The following NEK9 variants were observed in gnomAD, a reference collection of about 807,000 sequenced individuals.
The protein encoded by NEK9 is serine/threonine-protein kinase Nek9.
Under a neutral mutation model 123.4 loss-of-function variants are expected in NEK9, and 75 were observed. The observed-to-expected ratio is 0.61, with a 90% CI of 0.50 to 0.74. The LOEUF (loss-of-function observed/expected upper bound fraction) is 0.74. Among genes scored for constraint, NEK9 ranks in the 30% least tolerant of loss-of-function variants. The pLI is 0.00. For missense variants in NEK9, 952 were observed against 1,214.4 expected (o/e 0.78, Z 3.21); for synonymous variants, 438 against 458.7 (o/e 0.95, Z 0.58).
rs1438756568 is a variant in NEK9 at position 75,081,439 on chromosome 14, C to T, written c.*3125G>A. ...CAGCGTGTTTATTTCCACAGTTAAT[C>T]ATTGAAACAATAAATGATTTTTGGC... On this transcript the variant is annotated 3_prime_UTR_variant, in exon 22 of 22. Coordinates refer to ENST00000238616, the MANE Select transcript of NEK9 (RefSeq NM_033116.6). The surrounding 1 kb of genome is among the most constrained non-coding windows in gnomAD (Gnocchi z 4.2). 2.0e-5 allele frequency: 3 copies of T among 152,164 alleles called. No individual in the cohort carries two copies. Among genetic ancestry groups the T allele is most frequent in the Non-Finnish European group, 4.4e-5 (3 of 68,026 alleles). The allele number at this position is 152,164 out of a possible 1,614,324, so 9.4% of individuals were successfully genotyped here. A position where few individuals can be genotyped will look rare whatever the true frequency, so the allele number is the denominator to read the frequency against.
chr14:75,121,773 C>T (rs1458709641), intron 2 of NEK9, among the ~76,000 whole-genome samples: 1 of 152,054 alleles, frequency 6.6e-6, no homozygotes, highest in African/African-American at 2.4e-5. Flanking sequence ...GTCGCCTGAG[C>T]GTGGGAGGAT....
At chr14:75,118,749 A>G in intron 5 of NEK9, 81 bp downstream of exon 5, 1 of 823,530 alleles carries the variant, frequency 1.2e-6, no homozygotes, top group Non-Finnish European at 2.0e-6. Flanking sequence ...TATTGAGAAA[A>G]GTATGCAAGA....
Position 75,101,023 on chromosome 14 carries a change from G to A in NEK9, c.1971C>T (p.Cys657=), listed in dbSNP as rs193018616. The change falls in exon 16 of 22, where the codon TGC becomes TGT. Residue 657 remains cysteine, a synonymous_variant. Coordinates refer to ENST00000238616, the MANE Select transcript of NEK9 (RefSeq NM_033116.6). ...TGGCAGCAATGGTAAACTCATCACC[G>A]CAGGAGACCCTGATCACTTGCTTCC... is the stretch of plus-strand genomic sequence containing the variant. The part of the protein sequence containing the change: ...LGGKQVIRVS[C]GDEFTIAATD... 7.4e-6 allele frequency: 12 copies of A among 1,614,156 alleles called. No individual in the cohort carries two copies. In the South Asian group the frequency reaches 7.7e-5, roughly 10 times the overall value.
chr14:75,120,702 G>A, intron 3 of NEK9, 122 bp from the exon 4 acceptor site: 1 of 743,484 alleles, frequency 1.3e-6, no homozygotes, highest in South Asian at 1.8e-5. Flanking sequence ...AACATGACTT[G>A]ACATCTCTTC....
intron 5 of NEK9, 133 bp from the exon 6 acceptor site, chr14:75,117,459 G>T (rs1182642308): frequency 3.0e-6 from 3 of 990,340 alleles, no homozygotes; most frequent in South Asian, 1.8e-5. Context: ...ATTCCAAAAT[G>T]GTTTTTATGA....
In NEK9 at chr14:75,080,091, G is replaced by C. The variant is rs1469811924; in HGVS notation, c.*4473C>G. 2 of 152,202 alleles carry C rather than the reference G, an allele frequency of 1.3e-5. No homozygotes were observed. Among genetic ancestry groups the C allele is most frequent in the Non-Finnish European group, 2.9e-5 (2 of 68,154 alleles). 9.4% of individuals were successfully genotyped at this position (152,202 alleles called of 1,614,324 possible). ...TCATGCCTGTAATCCCAGCACTTTG[G>C]GAGGCCGAGGTGGGCGGATCACAAA... On this transcript the variant is annotated 3_prime_UTR_variant, in exon 22 of 22. Coordinates refer to ENST00000238616, the MANE Select transcript of NEK9 (RefSeq NM_033116.6).
Position 75,124,185 on chromosome 14 carries a change from G to A in NEK9, c.258C>T (p.Thr86=). 3 of 1,613,904 alleles carry A rather than the reference G, an allele frequency of 1.9e-6. No homozygotes were observed. The Middle Eastern group carries it at 5.0e-4, about 266-fold the overall frequency. The part of the protein sequence containing the change: ...SLVVWKEVDL[T]RLSEKERRDA... ...CACGACGTTCCTTCTCAGACAGCCG[G>A]GTCAAATCGACTTCCTTCCACACAA... The change falls in exon 2 of 22, where the codon ACC becomes ACT. Residue 86 remains threonine, a synonymous_variant. Coordinates refer to ENST00000238616, the MANE Select transcript of NEK9 (RefSeq NM_033116.6).
intron 21 of NEK9, among the ~76,000 whole-genome samples, chr14:75,085,582 G>C (rs1893995405): frequency 1.3e-5 from 2 of 152,252 alleles, no homozygotes; most frequent in South Asian, 4.1e-4. Context: ...TCAAGCCTTA[G>C]GTTAAACTTC....
chr14:75,085,105 C>CA (rs1893980270), intron 21 of NEK9: 1 of 162,104 alleles, frequency 6.2e-6, no homozygotes, highest in Admixed American at 5.9e-5. Context: ...TCCCCAGATT[C>CA]AGGTGATCTT....
At chr14:75,099,563 T>A (rs1894494847) in intron 16 of NEK9, among the ~76,000 whole-genome samples, 1 of 151,528 alleles carries the variant, frequency 6.6e-6, no homozygotes, top group Non-Finnish European at 1.5e-5. Flanking sequence ...GGGTGGATCA[T>A]CTGAGGTCAG....
chr14:75,109,983 A>G (rs547887986), intron 9 of NEK9, 106 bp from the exon 10 acceptor site: 155 of 1,131,702 alleles, frequency 1.4e-4, no homozygotes, highest in Non-Finnish European at 1.8e-4. Context: ...ATGGTATGAG[A>G]AAGTATGTTC....
intron 20 of NEK9, among the ~76,000 whole-genome samples, chr14:75,087,965 A>G (rs1007518304): frequency 6.6e-6 from 1 of 152,212 alleles, no homozygotes; most frequent in African/African-American, 2.4e-5. Flanking sequence ...GGCTGTACAC[A>G]TTTCTGTCTA....
rs367940065 is a variant in NEK9 at position 75,095,369 on chromosome 14, T to C, written c.2233+3A>G. The C allele has an allele frequency of 6.2e-7, 1 of 1,606,394 alleles. No individual in the cohort carries two copies. The highest frequency in any genetic ancestry group is 8.5e-7 in the Non-Finnish European group (1 of 1,173,636). On this transcript the variant is annotated splice_donor_region_variant and intron_variant, in intron 18 of 21. Coordinates refer to ENST00000238616, the MANE Select transcript of NEK9 (RefSeq NM_033116.6). ...CACTGGTACCTGAAACATTGGTACT[T>C]ACCAGTTCCAATGGATAAGCCACTG...
At position 75,113,186 on chromosome 14, in the gene NEK9, C is replaced by G. The variant is rs8023076; in HGVS notation, c.938+153G>C. Among the ~76,000 whole-genome samples, 669 of 152,274 alleles carry G rather than the reference C, an allele frequency of 4.4e-3. 4 individuals are homozygous for G. The highest frequency in any genetic ancestry group is 0.015 in the African/African-American group (636 of 41,538). ...AGGCTAAGGAGGCAAAAGTCAGATG[C>G]CACCCCTAAGCAATAAAAGCAGGGA... On this transcript the variant is annotated intron_variant, in intron 8 of 21. Transcript: ENST00000238616.
Position 75,083,645 on chromosome 14 carries a change from A to C in NEK9, c.*919T>G, listed in dbSNP as rs1893931285. 1 of 152,254 alleles carries C rather than the reference A, an allele frequency of 6.6e-6. No homozygotes were observed. Among genetic ancestry groups the C allele is most frequent in the Admixed American group, 6.5e-5 (1 of 15,284 alleles). 9.4% of individuals were successfully genotyped at this position (152,254 alleles called of 1,614,324 possible). On this transcript the variant is annotated 3_prime_UTR_variant, in exon 22 of 22. Coordinates refer to ENST00000238616, the MANE Select transcript of NEK9 (RefSeq NM_033116.6). ...AGCCATGAAGGCAGAGGCTCAAAGA[A>C]GTCTTTTCATGGGCAGAAGACTGAG...
chr14:75,118,742 T>G, intron 5 of NEK9, 88 bp downstream of exon 5: 84 of 790,778 alleles, frequency 1.1e-4, no homozygotes, highest in Middle Eastern at 3.2e-4. Flanking sequence ...GCAAGAATAT[T>G]GAGAAAAGTA....
At chr14:75,120,100 T>C (rs1226093062) in intron 4 of NEK9, among the ~76,000 whole-genome samples, 3 of 152,228 alleles carry the variant, frequency 2.0e-5, no homozygotes, top group African/African-American at 7.2e-5. Flanking sequence ...CTGGTAAATT[T>C]GTACAAGTAA....
chr14:75,107,337 G>C lies in NEK9; in HGVS notation c.1327+6C>G. 1 of 1,610,874 alleles carries C rather than the reference G, an allele frequency of 6.2e-7. No homozygotes were observed. The highest frequency in any genetic ancestry group is 8.5e-7 in the Non-Finnish European group (1 of 1,178,840). On this transcript the variant is annotated splice_donor_region_variant and intron_variant, in intron 11 of 21. Coordinates refer to ENST00000238616, the MANE Select transcript of NEK9 (RefSeq NM_033116.6). ...GCACTTAAGACACTTTCTGCTGATG[G>C]CTTACCAGTCACACAGACAGTGAAA...
Position 75,088,385 on chromosome 14 carries a change from T to G in NEK9, c.2604+95A>C, listed in dbSNP as rs935361987. 9.2e-6 allele frequency: 12 copies of G among 1,302,346 alleles called. No homozygotes were observed. The South Asian group carries it at 1.5e-4, about 16-fold the overall frequency. 80.7% of individuals were successfully genotyped at this position (1,302,346 alleles called of 1,614,324 possible). A position where few individuals can be genotyped will look rare whatever the true frequency, so the allele number is the denominator to read the frequency against. On this transcript the variant is annotated intron_variant, in intron 20 of 21. Coordinates refer to ENST00000238616, the MANE Select transcript of NEK9 (RefSeq NM_033116.6). The stretch of plus-strand genomic sequence containing the variant: ...GTATAATGAGTTGATGCAGGGCAGC[T>G]GAAACCCAAAAGCTAGAGCGAGGCC...
Sources: allele counts gnomAD v4.1 joint callset (sites outside exome capture counted in the v4.1 genomes callset), GRCh38; gene constraint gnomAD v4.1.1; non-coding constraint Gnocchi (gnomAD v3.1); transcripts MANE v1.5; gene names NCBI Gene and HGNC (gene_info 2026-07-23, HGNC 2026-07-21).